The following ZDHHC11B variants were observed in gnomAD, a reference collection of about 807,000 sequenced individuals.
ZDHHC11B encodes the protein probable palmitoyltransferase ZDHHC11B.
A neutral mutation model predicts 42.3 loss-of-function variants in ZDHHC11B; 17 were observed. The observed-to-expected ratio is 0.40, with a 90% CI of 0.27 to 0.60. ZDHHC11B has a LOEUF of 0.60. Ranked by LOEUF, ZDHHC11B falls within the 20% of genes least tolerant of loss-of-function variation. The probability of loss-of-function intolerance (pLI) is 0.41; values close to 1 mark genes in which losing one functional copy is unlikely to be tolerated. For synonymous variants in ZDHHC11B, 123 were observed against 193.5 expected (o/e 0.64, Z 3.02); for missense variants, 262 against 463.2 (o/e 0.57, Z 3.99).
chr5:761,197 T>C (rs1734565292), intron 4 of ZDHHC11B, among the ~76,000 whole-genome samples: 1 of 151,856 alleles, frequency 6.6e-6, no homozygotes, highest in African/African-American at 2.4e-5. Flanking sequence ...TCACCTGCCA[T>C]GAAGGTGCAA....
intron 7 of ZDHHC11B, among the ~76,000 whole-genome samples, chr5:750,594 G>A (rs1453415968): frequency 3.1e-5 from 4 of 129,646 alleles, no homozygotes; most frequent in Non-Finnish European, 5.1e-5. Flanking sequence ...GCGTGGACTC[G>A]CCTCTGGAGC....
At chr5:778,409 G>C (rs1202276852) in intron 1 of ZDHHC11B, among the ~76,000 whole-genome samples, 1 of 150,606 alleles carries the variant, frequency 6.6e-6, no homozygotes, top group Non-Finnish European at 1.5e-5. Flanking sequence ...CGGCTCTCAA[G>C]GGAGGCACAA....
In ZDHHC11B at chr5:725,110, C is replaced by CTGA. The variant is rs1168752783; in HGVS notation, c.1058+5323_1058+5324insTCA. On this transcript the variant is annotated intron_variant, in intron 12 of 13. Transcript: ENST00000508859. ...TGGTGTCAGCTCCCGAATGTGGGAC[C>CTGA]CGGATGACAGGATTCGTGAGTGCCT... Among the ~76,000 whole-genome samples, 87 of 151,484 alleles carry CTGA rather than the reference C, an allele frequency of 5.7e-4. No individual in the cohort carries two copies. In the Middle Eastern group the frequency reaches 0.014, roughly 24 times the overall value.
chr5:721,204 C>T (rs1415516309), intron 12 of ZDHHC11B, among the ~76,000 whole-genome samples: 1 of 150,382 alleles, frequency 6.6e-6, no homozygotes, highest in Non-Finnish European at 1.5e-5. Context: ...AGAAAATGTA[C>T]AAAAAAGGAA....
At chr5:757,044 A>G (rs1054038319) in intron 4 of ZDHHC11B, among the ~76,000 whole-genome samples, 10 of 151,854 alleles carry the variant, frequency 6.6e-5, no homozygotes, top group South Asian at 2.1e-4. Context: ...CCGTGACTGG[A>G]ACGTCAGCTT....
chr5:765,854 G>A (rs1309090781), intron 4 of ZDHHC11B, among the ~76,000 whole-genome samples: 1 of 151,924 alleles, frequency 6.6e-6, no homozygotes, highest in East Asian at 1.9e-4. Context: ...GCGAGGGTCT[G>A]CGGCTTCATT....
chr5:711,160 G>A lies in ZDHHC11B; in HGVS notation c.*1130C>T, dbSNP rs1359717849. 3 of 151,960 alleles carry A rather than the reference G, an allele frequency of 2.0e-5. No homozygotes were observed. The highest frequency in any genetic ancestry group is 2.9e-5 in the Non-Finnish European group (2 of 68,456). 9.4% of individuals were successfully genotyped at this position (151,960 alleles called of 1,614,324 possible). On this transcript the variant is annotated 3_prime_UTR_variant, in exon 14 of 14. Coordinates refer to ENST00000508859, the MANE Select transcript of ZDHHC11B (RefSeq NM_001351303.2). The stretch of plus-strand genomic sequence containing the variant: ...ATGGGCTCCCCTTTCCCAGTACTGT[G>A]CTCCGCTTTCCCAGTACTATGCTCC...
rs539298838 is a variant in ZDHHC11B at position 732,661 on chromosome 5, G to A, written c.1023+1091C>T. The A allele has an allele frequency of 3.2e-4, 144 of 450,850 alleles. 2 individuals carry two copies. The highest frequency in any genetic ancestry group is 2.0e-3 in the South Asian group (128 of 63,718). The allele number at this position is 450,850 out of a possible 1,614,324, so 27.9% of individuals were successfully genotyped here. On this transcript the variant is annotated intron_variant, in intron 11 of 13. Transcript: ENST00000508859. ...AAATCCTGGGGAAGTGCGGTGAGGC[G>A]GCCCTGCCCCCACAGGGAAGGACAA...
intron 10 of ZDHHC11B, among the ~76,000 whole-genome samples, chr5:739,560 A>G (rs1174890507): frequency 6.7e-6 from 1 of 148,980 alleles, no homozygotes; most frequent in South Asian, 2.2e-4. Flanking sequence ...AAAATCCACA[A>G]TGCAATACCA....
intron 1 of ZDHHC11B, among the ~76,000 whole-genome samples, chr5:780,932 G>C (rs1736913382): frequency 6.7e-6 from 1 of 150,112 alleles, no homozygotes; most frequent in Non-Finnish European, 1.5e-5. Flanking sequence ...CGGTGGCCAG[G>C]TTACCTGCGA....
rs72643712 is a variant in ZDHHC11B, at chr5:728,264, A to G, written c.1058+2170T>C. 1.9e-3 allele frequency among the ~76,000 whole-genome samples: 288 copies of G among 152,090 alleles called. 3 individuals carry two copies. The highest frequency in any genetic ancestry group is 0.01 in the Middle Eastern group (3 of 294). On this transcript the variant is annotated intron_variant, in intron 12 of 13. Transcript: ENST00000508859. Reference sequence around the variant, plus strand: ...CTTGCTAATATCTGGTGCTGAAAAGAGTGAGGAAATTGAAGGAAATTTGCA... The same window carrying G: ...CTTGCTAATATCTGGTGCTGAAAAGGGTGAGGAAATTGAAGGAAATTTGCA...
intron 9 of ZDHHC11B, among the ~76,000 whole-genome samples, chr5:742,389 G>A (rs1175684142): frequency 3.5e-5 from 5 of 144,276 alleles, no homozygotes; most frequent in African/African-American, 1.0e-4. Flanking sequence ...TGTGTATTCC[G>A]GACATCAGTC....
At chr5:765,590 A>G (rs1735172996) in intron 4 of ZDHHC11B, among the ~76,000 whole-genome samples, 1 of 151,920 alleles carries the variant, frequency 6.6e-6, no homozygotes, top group African/African-American at 2.4e-5. Flanking sequence ...TCAAGCCAGT[A>G]GCAGCAAACT....
chr5:739,118 A>G lies in ZDHHC11B; in HGVS notation c.935+2476T>C, dbSNP rs371013867. ...CCGCAAAAAAAAAACAAATCATCCA[A>G]TTGGGTGTGGTGGCTCATGTCTGTA... On this transcript the variant is annotated intron_variant, in intron 10 of 13. Coordinates refer to ENST00000508859, the MANE Select transcript of ZDHHC11B (RefSeq NM_001351303.2). Among the ~76,000 whole-genome samples the G allele has an allele frequency of 1.3e-5, 2 of 150,024 alleles. 1 individual carries two copies. Among genetic ancestry groups the G allele is most frequent in the South Asian group, 4.3e-4 (2 of 4,680 alleles).
intron 8 of ZDHHC11B, among the ~76,000 whole-genome samples, chr5:746,093 G>C (rs1410953147): frequency 8.7e-5 from 13 of 149,216 alleles, no homozygotes; most frequent in African/African-American, 3.2e-4. Context: ...TTATCTAAAA[G>C]AGCCGTCTTA....
intron 12 of ZDHHC11B, among the ~76,000 whole-genome samples, chr5:728,425 C>A (rs1294280731): frequency 6.6e-6 from 1 of 151,856 alleles, no homozygotes; most frequent in Non-Finnish European, 1.5e-5. Flanking sequence ...AAAGGTGCTT[C>A]TTGCAATTTT....
In ZDHHC11B at chr5:749,649, G is replaced by A. The variant is rs2335610; in HGVS notation, c.629-1090C>T. Among the ~76,000 whole-genome samples, 12 of 130,126 alleles carry A rather than the reference G, an allele frequency of 9.2e-5. 1 individual carries two copies. The highest frequency in any genetic ancestry group is 4.4e-4 in the Admixed American group (5 of 11,352). The allele number at this position is 130,126 out of a possible 152,430, so 85.4% of individuals were successfully genotyped here. ...TCTGGAACAGCAAACGGAGGAATTC[G>A]CTCAGGCCACAATCAATGAACTCAC... On this transcript the variant is annotated intron_variant, in intron 7 of 13. Transcript: ENST00000508859.
At chr5:739,417 C>CAAAT (rs1206971162) in intron 10 of ZDHHC11B, among the ~76,000 whole-genome samples, 70 of 151,206 alleles carry the variant, frequency 4.6e-4, no homozygotes, top group African/African-American at 1.5e-3. Context: ...AACAAACAAA[C>CAAAT]AAACAACAAA....
At chr5:765,793 C>T (rs1199993509) in intron 4 of ZDHHC11B, among the ~76,000 whole-genome samples, 2 of 151,898 alleles carry the variant, frequency 1.3e-5, no homozygotes, top group Admixed American at 1.3e-4. Flanking sequence ...ATCCAAACAT[C>T]AGAAGGAACA....
Sources: gnomAD v4.1 joint callset for allele counts (sites outside exome capture counted in the v4.1 genomes callset) on GRCh38, gnomAD v4.1.1 for gene constraint, MANE v1.5 for transcripts, NCBI Gene and HGNC (gene_info 2026-07-23, HGNC 2026-07-21) for gene names.